OTOF: variants seen among roughly 807,000 people sequenced by gnomAD.
The protein encoded by OTOF is fer-1-like family member 2.
In OTOF, 218 loss-of-function variants were observed where a neutral mutation model predicts 236.8. That is an observed-to-expected ratio of 0.92 (90% CI 0.82 to 1.03). OTOF has a LOEUF of 1.03. OTOF is among the 50% of genes least tolerant of loss of function. The pLI is 0.00. For synonymous variants in OTOF, 1,041 were observed against 1,072.5 expected, an observed-to-expected ratio of 0.97 and a Z score of 0.57; for missense variants, 2,590 against 2,694.4, an observed-to-expected ratio of 0.96 and a Z score of 0.86.
chr2:26,530,360 G>C (rs1329817788), intron 2 of OTOF, among the ~76,000 whole-genome samples: 1 of 151,940 alleles, frequency 6.6e-6, no homozygotes, highest in Non-Finnish European at 1.5e-5. Flanking sequence ...GGGGCTTCCG[G>C]GGCCCCTGAC....
At chr2:26,558,080 C>T (rs1023534367) in intron 1 of OTOF, among the ~76,000 whole-genome samples, 1 of 151,834 alleles carries the variant, frequency 6.6e-6, no homozygotes, top group African/African-American at 2.4e-5. Flanking sequence ...CTCCCAGTCA[C>T]CCTGGGTGCC....
chr2:26,498,332 A>G (rs898617270), intron 8 of OTOF, among the ~76,000 whole-genome samples: 7 of 152,244 alleles, frequency 4.6e-5, no homozygotes, highest in African/African-American at 1.7e-4. Flanking sequence ...GTTGAAGGGC[A>G]GCCCCGAGAG....
At position 26,477,568 on chromosome 2, in the gene OTOF, C is replaced by T. The variant is rs1362581541; in HGVS notation, c.2316-62G>A. ...CCAGCAGGGGCTCTGTAGATTCTTC[C>T]TCATCTGCCCAGCCCTGGCAGGGTC... On this transcript the variant is annotated intron_variant, in intron 19 of 46. Transcript: ENST00000272371. This position sits in a 1 kb window ranked among gnomAD's most constrained non-coding sequence, Gnocchi z 4.7. 3 of 1,596,348 alleles carry T rather than the reference C, an allele frequency of 1.9e-6. No homozygotes were observed. Among genetic ancestry groups the T allele is most frequent in the African/African-American group, 2.7e-5 (2 of 74,606 alleles).
Position 26,477,949 on chromosome 2 carries a change from C to T in OTOF, c.2215-200G>A. 2.2e-6 allele frequency: 3 copies of T among 1,386,984 alleles called. No homozygotes were observed. 85.9% of individuals were successfully genotyped at this position (1,386,984 alleles called of 1,614,324 possible). On this transcript the variant is annotated intron_variant, in intron 18 of 46. Transcript: ENST00000272371. The surrounding 1 kb of genome is among the most constrained non-coding windows in gnomAD (Gnocchi z 4.7). ...CTCAGAACCTGGAGATGTTGGTGTTCATGGGGGTTCTTCAGTTCCTGAAGG... is the reference window on the plus strand; with the variant it reads ...CTCAGAACCTGGAGATGTTGGTGTTTATGGGGGTTCTTCAGTTCCTGAAGG...
intron 39 of OTOF, 76 bp from the exon 40 acceptor site, chr2:26,464,182 GA>G: frequency 6.4e-7 from 1 of 1,569,384 alleles, no homozygotes. Context: ...AGGGACTTAG[GA>G]GCACAAAGAA....
Position 26,477,065 on chromosome 2 carries a change from G to T in OTOF, c.2524-22C>A. 1 of 1,523,822 alleles carries T rather than the reference G, an allele frequency of 6.6e-7. No homozygotes were observed. Among genetic ancestry groups the T allele is most frequent in the Non-Finnish European group, 8.9e-7 (1 of 1,120,332 alleles). The allele number at this position is 1,523,822 out of a possible 1,614,324, so 94.4% of individuals were successfully genotyped here. The stretch of plus-strand genomic sequence containing the variant: ...GGGGCTGGGGGTTGGGGGGTGGCCA[G>T]GGGCAGTGGGTAAGGGGGTCTAGCC... On this transcript the variant is annotated intron_variant, in intron 21 of 46. Transcript: ENST00000272371. This position sits in a 1 kb window ranked among gnomAD's most constrained non-coding sequence, Gnocchi z 4.7.
chr2:26,552,180 G>A lies in OTOF; in HGVS notation c.79+6313C>T, dbSNP rs371021755. Among the ~76,000 whole-genome samples, 14 of 151,196 alleles carry A rather than the reference G, an allele frequency of 9.3e-5. No homozygotes were observed. The East Asian group carries it at 2.3e-3, about 25-fold the overall frequency. ...TGAGCCAGGCAGCTCACATGAGCCCGGGAGTTCAAGACCAGCCTGGGCAAT... is the reference window on the plus strand; with the variant it reads ...TGAGCCAGGCAGCTCACATGAGCCCAGGAGTTCAAGACCAGCCTGGGCAAT... On this transcript the variant is annotated intron_variant, in intron 1 of 46. Coordinates refer to ENST00000272371, the MANE Select transcript of OTOF (RefSeq NM_194248.3).
At chr2:26,518,976 G>A in intron 4 of OTOF, 34 bp downstream of exon 4, 1 of 1,478,804 alleles carries the variant, frequency 6.8e-7, no homozygotes, top group Non-Finnish European at 9.4e-7. Context: ...GGCCCCATAT[G>A]GGAAAGTCCA....
intron 1 of OTOF, among the ~76,000 whole-genome samples, chr2:26,553,142 G>C (rs1023779092): frequency 6.6e-6 from 1 of 152,182 alleles, no homozygotes; most frequent in African/African-American, 2.4e-5. Context: ...CTTGTCCCCA[G>C]TGCCTCAGCT....
Position 26,460,350 on chromosome 2 carries a change from G to T in OTOF, c.5814-145C>A. 1 of 708,928 alleles carries T rather than the reference G, an allele frequency of 1.4e-6. No individual in the cohort carries two copies. The highest frequency in any genetic ancestry group is 2.4e-6 in the Non-Finnish European group (1 of 411,290). The allele number at this position is 708,928 out of a possible 1,614,324, so 43.9% of individuals were successfully genotyped here. ...CCTCTGGCCATCAAGGCTGGCCATG[G>T]CCCCAGAGGCCACCACTGGAGCTGG... On this transcript the variant is annotated intron_variant, in intron 45 of 46. Transcript: ENST00000272371. The surrounding 1 kb of genome is among the most constrained non-coding windows in gnomAD (Gnocchi z 5.3).
chr2:26,469,170 A>G (rs1664867491), intron 32 of OTOF, among the ~76,000 whole-genome samples: 1 of 152,250 alleles, frequency 6.6e-6, no homozygotes, highest in Non-Finnish European at 1.5e-5. Context: ...GTACAAAAGT[A>G]TAACAGTAAG....
At chr2:26,509,834 A>G (rs554493191) in intron 5 of OTOF, among the ~76,000 whole-genome samples, 8 of 152,292 alleles carry the variant, frequency 5.3e-5, no homozygotes, top group South Asian at 2.1e-4. Context: ...TCCTGGGTCT[A>G]TGGTGAGCTC....
chr2:26,515,582 G>GCTT (rs1666503303), intron 5 of OTOF, among the ~76,000 whole-genome samples: 1 of 152,246 alleles, frequency 6.6e-6, no homozygotes, highest in African/African-American at 2.4e-5. Context: ...GAGGGACTGA[G>GCTT]TAAACTTTAC....
intron 1 of OTOF, among the ~76,000 whole-genome samples, chr2:26,542,312 T>G (rs1484892994): frequency 6.6e-6 from 1 of 152,240 alleles, no homozygotes; most frequent in Non-Finnish European, 1.5e-5. Context: ...TTCTAGCTCC[T>G]GGCTTGTGTG....
rs150580671 is a variant in OTOF at position 26,532,092 on chromosome 2, C to CAAAAAAAAAAA, written c.139-4183_139-4173dup. 1.1e-3 allele frequency among the ~76,000 whole-genome samples: 91 copies of CAAAAAAAAAAA among 80,192 alleles called. 6 individuals carry two copies. The highest frequency in any genetic ancestry group is 5.2e-3 in the African/African-American group (83 of 15,816). The allele number at this position is 80,192 out of a possible 152,430, so 52.6% of individuals were successfully genotyped here. On this transcript the variant is annotated intron_variant, in intron 2 of 46. Coordinates refer to ENST00000272371, the MANE Select transcript of OTOF (RefSeq NM_194248.3). ...TGGGTGACAGAGTAAGACTCCACCTCAAAAAAAAAAAAAAAAAAAAAAAGA... is the reference window on the plus strand; with the variant it reads ...TGGGTGACAGAGTAAGACTCCACCTCAAAAAAAAAAAAAAAAAAAAAAAAAAAAAAAAAAGA...
intron 2 of OTOF, among the ~76,000 whole-genome samples, chr2:26,528,983 G>C (rs1271969502): frequency 6.6e-6 from 1 of 152,244 alleles, no homozygotes; most frequent in African/African-American, 2.4e-5. Flanking sequence ...GCCTGCCACT[G>C]TTGGCTGTGG....
intron 22 of OTOF, among the ~76,000 whole-genome samples, chr2:26,476,666 A>C (rs1190898312): frequency 6.7e-5 from 1 of 14,974 alleles, no homozygotes; most frequent in African/African-American, 4.1e-4. Flanking sequence ...CCCTTCCCCC[A>C]CCCCTTCCCC....
rs528050705 is a variant in OTOF at position 26,512,245 on chromosome 2, A to G, written c.509+4173T>C. On this transcript the variant is annotated intron_variant, in intron 5 of 46. Transcript: ENST00000272371. The stretch of plus-strand genomic sequence containing the variant: ...TAGTCGCAGAATACTGGGACTCAGG[A>G]GGAAAGGCTCAGGTCTCTACAGTTT... 2.0e-5 allele frequency among the ~76,000 whole-genome samples: 3 copies of G among 152,288 alleles called. No individual in the cohort carries two copies. In the East Asian group the frequency reaches 5.8e-4, roughly 29 times the overall value.
chr2:26,464,030 G>T lies in OTOF; in HGVS notation c.5037C>A (p.Cys1679Ter). 6.2e-7 allele frequency: 1 copy of T among 1,613,728 alleles called. No homozygotes were observed. The highest frequency in any genetic ancestry group is 8.5e-7 in the Non-Finnish European group (1 of 1,180,008). Residue 1679 changes from cysteine (C) to a stop codon, truncating the protein, a stop_gained, in exon 40 of 47, where the codon TGC becomes TGA. Coordinates refer to ENST00000272371, the MANE Select transcript of OTOF (RefSeq NM_194248.3). LOFTEE classifies it high-confidence loss of function. ...RHWEDIPRAGCRLVPEHVETR... is the reference protein window; with the variant it reads ...RHWEDIPRAG ...TCTCCACATGCTCTGGCACCAGGCG[G>T]CAGCCTGCGCGGGGGATGTCCTCCC...
Sources: gnomAD v4.1 joint callset for allele counts (sites outside exome capture counted in the v4.1 genomes callset) on GRCh38, gnomAD v4.1.1 for gene constraint, Gnocchi (gnomAD v3.1) non-coding constraint, MANE v1.5 for transcripts, NCBI Gene and HGNC (gene_info 2026-07-23, HGNC 2026-07-21) for gene names.